BRF1: variants seen among roughly 807,000 people sequenced by gnomAD.
The protein encoded by BRF1 is BRF1 general transcription factor IIIB subunit, also known as transcription factor IIIB 90 kDa subunit.
BRF1 carries 59 observed loss-of-function variants against 81.7 expected under a neutral mutation model. The ratio of observed to expected loss-of-function variants is 0.72; its 90% CI spans 0.59 to 0.90. The LOEUF is 0.90. Ranked by LOEUF, BRF1 falls within the 40% of genes least tolerant of loss-of-function variation. The pLI is 0.00. For missense variants in BRF1, 1,050 were observed against 936.3 expected, an observed-to-expected ratio of 1.12 and a Z score of -1.58; for synonymous variants, 491 against 395.6, an observed-to-expected ratio of 1.24 and a Z score of -2.86.
intron 2 of BRF1, among the ~76,000 whole-genome samples, chr14:105,280,328 G>C (rs1196531671): frequency 2.6e-5 from 4 of 152,238 alleles, no homozygotes; most frequent in African/African-American, 4.8e-5. Flanking sequence ...ACGACCACAT[G>C]ACCAAGCGCC....
At chr14:105,224,573 G>A (rs1892792212) in intron 10 of BRF1, among the ~76,000 whole-genome samples, 1 of 152,202 alleles carries the variant, frequency 6.6e-6, no homozygotes, top group Non-Finnish European at 1.5e-5. Context: ...ACTGGGGACA[G>A]GGTCTGGCTC....
Position 105,269,878 on chromosome 14 carries a change from C to T in BRF1, c.439+2843G>A, listed in dbSNP as rs1331881651. Among the ~76,000 whole-genome samples the T allele has an allele frequency of 1.3e-5, 2 of 152,202 alleles. No individual in the cohort carries two copies. Among genetic ancestry groups the T allele is most frequent in the Admixed American group, 1.3e-4 (2 of 15,286 alleles). On this transcript the variant is annotated intron_variant, in intron 3 of 17. Coordinates refer to ENST00000547530, the MANE Select transcript of BRF1 (RefSeq NM_001519.4). The surrounding 1 kb of genome is among the most constrained non-coding windows in gnomAD (Gnocchi z 5.0). ...CTCCACAGCAGTCCCCACACAGCTC[C>T]TACAAACACAAGGGAGGCAGGGCCA...
At chr14:105,280,824 T>C (rs1199994280) in intron 2 of BRF1, among the ~76,000 whole-genome samples, 4 of 147,364 alleles carry the variant, frequency 2.7e-5, no homozygotes, top group Admixed American at 6.8e-5. Context: ...AGCCCAGGTG[T>C]GCAGGTGGAG....
chr14:105,226,608 C>G (rs1423058254), intron 8 of BRF1, 26 bp downstream of exon 8: 1 of 1,612,418 alleles, frequency 6.2e-7, no homozygotes, highest in South Asian at 1.1e-5. Flanking sequence ...AAGCCCAGCA[C>G]AGACAGACAC....
At chr14:105,241,475 C>T in intron 5 of BRF1, 61 bp from the exon 6 acceptor site, 4 of 1,595,390 alleles carry the variant, frequency 2.5e-6, no homozygotes, top group South Asian at 1.1e-5. Flanking sequence ...GCACAGGCGG[C>T]CCACGCAGCC....
At chr14:105,294,612 A>G (rs764030299) in intron 1 of BRF1, among the ~76,000 whole-genome samples, 1 of 152,210 alleles carries the variant, frequency 6.6e-6, no homozygotes, top group Non-Finnish European at 1.5e-5. Context: ...TGAGCATGGA[A>G]GACGATGGGG....
intron 1 of BRF1, among the ~76,000 whole-genome samples, chr14:105,298,290 G>C (rs1342698167): frequency 6.6e-6 from 1 of 152,134 alleles, no homozygotes; most frequent in Non-Finnish European, 1.5e-5. Context: ...TGAAAAGGAA[G>C]AACAAAGGTT....
upstream of BRF1, among the ~76,000 whole-genome samples, chr14:105,304,825 T>C (rs2058138884): frequency 6.6e-6 from 1 of 152,228 alleles, no homozygotes; most frequent in South Asian, 2.1e-4. Flanking sequence ...AAACTCCCTC[T>C]TATAAAACCG....
At chr14:105,281,616 T>C (rs2057108702) in intron 2 of BRF1, among the ~76,000 whole-genome samples, 1 of 152,072 alleles carries the variant, frequency 6.6e-6, no homozygotes, top group Non-Finnish European at 1.5e-5. Context: ...CTGCAGCTCG[T>C]GCACCACAGT....
intron 5 of BRF1, among the ~76,000 whole-genome samples, chr14:105,242,885 G>GC (rs2140214239): frequency 6.6e-6 from 1 of 152,304 alleles, no homozygotes; most frequent in South Asian, 2.1e-4. Context: ...GGAGATTAGG[G>GC]CGGGTGGATG....
intron 3 of BRF1, among the ~76,000 whole-genome samples, chr14:105,264,144 T>C (rs1182223079): frequency 1.3e-5 from 2 of 152,102 alleles, no homozygotes; most frequent in Admixed American, 6.6e-5. Flanking sequence ...CACCTAACTA[T>C]GAAGAAATGA....
At chr14:105,221,207 G>T (rs969152933) in intron 11 of BRF1, among the ~76,000 whole-genome samples, 1 of 152,222 alleles carries the variant, frequency 6.6e-6, no homozygotes, top group African/African-American at 2.4e-5. Context: ...CAAGGTGAGG[G>T]GGGGCAAGAT....
Position 105,216,347 on chromosome 14 carries a change from G to A in BRF1, c.1772+1197C>T, listed in dbSNP as rs796110701. Among the ~76,000 whole-genome samples, 9 of 152,288 alleles carry A rather than the reference G, an allele frequency of 5.9e-5. No homozygotes were observed. The South Asian group carries it at 1.7e-3, about 28-fold the overall frequency. ...GACACGGAGACTAAAGCCTCAGATC[G>A]GACCTGGGAGTGCTCAGGCACAGGG... On this transcript the variant is annotated intron_variant, in intron 15 of 17. Transcript: ENST00000547530.
In BRF1 at chr14:105,272,752, G is replaced by A. The variant is rs1303159845; in HGVS notation, c.408C>T (p.Leu136=). 5.0e-6 allele frequency: 8 copies of A among 1,613,688 alleles called. No individual in the cohort carries two copies. Among genetic ancestry groups the A allele is most frequent in the African/African-American group, 2.7e-5 (2 of 75,050 alleles). The change falls in exon 3 of 18, where the codon CTC becomes CTT. Residue 136 remains leucine, a synonymous_variant. Coordinates refer to ENST00000547530, the MANE Select transcript of BRF1 (RefSeq NM_001519.4). ...TGCCCTCCGTACGGCAGACCAGGTA[G>A]AGGCAGGCAGCAATCACGTGGGCCA... is the stretch of plus-strand genomic sequence containing the variant. The part of the protein sequence containing the change: ...RKMAHVIAAC[L]YLVCRTEGTP...
At chr14:105,241,203 T>G in intron 6 of BRF1, 62 bp downstream of exon 6, 1 of 1,587,522 alleles carries the variant, frequency 6.3e-7, no homozygotes, top group South Asian at 1.1e-5. Flanking sequence ...CACTCAGGAG[T>G]CAGGAAAGTG....
chr14:105,228,794 C>T (rs1340438542), intron 7 of BRF1, 26 bp downstream of exon 7: 3 of 1,612,530 alleles, frequency 1.9e-6, no homozygotes, highest in Admixed American at 3.3e-5. Flanking sequence ...TGTGTGGTCC[C>T]CATGCCATGA....
At chr14:105,242,846 C>A (rs184494133) in intron 5 of BRF1, among the ~76,000 whole-genome samples, 1 of 151,522 alleles carries the variant, frequency 6.6e-6, no homozygotes, top group Non-Finnish European at 1.5e-5. Flanking sequence ...CCAGGTGCTG[C>A]GGCTTACGCC....
intron 5 of BRF1, chr14:105,241,794 T>C: frequency 4.0e-6 from 1 of 248,164 alleles, no homozygotes; most frequent in Non-Finnish European, 8.1e-6. Flanking sequence ...AGGCGTGGGC[T>C]GGGTACACAA....
chr14:105,223,073 G>C (rs1327111583), intron 10 of BRF1, among the ~76,000 whole-genome samples: 1 of 152,294 alleles, frequency 6.6e-6, no homozygotes, highest in South Asian at 2.1e-4. Context: ...CCCGCCTGCA[G>C]TCCCAGCTAC....
Sources: allele counts gnomAD v4.1 joint callset (sites outside exome capture counted in the v4.1 genomes callset), GRCh38; gene constraint gnomAD v4.1.1; non-coding constraint Gnocchi (gnomAD v3.1); transcripts MANE v1.5; gene names NCBI Gene and HGNC (gene_info 2026-07-23, HGNC 2026-07-21).